Variants in HTR2C observed in about 807,000 individuals in gnomAD.
HTR2C encodes 5-hydroxytryptamine (serotonin) receptor 2C, G protein-coupled.
In HTR2C, 5 loss-of-function variants were observed where a neutral mutation model predicts 21.0. The ratio of observed to expected loss-of-function variants is 0.24; its 90% CI spans 0.12 to 0.50. The LOEUF is 0.50. HTR2C is among the 20% of genes least tolerant of loss of function. The pLI, the probability that HTR2C is intolerant of heterozygous loss-of-function variation, is 0.98. For synonymous variants in HTR2C, 150 were observed against 145.3 expected (o/e 1.03, Z -0.23); for missense variants, 271 against 371.2 (o/e 0.73, Z 2.22).
chrX:114,771,123 GT>G lies in HTR2C; in HGVS notation c.349+39517del, dbSNP rs201160031. ...GGCATACTTCCCTGTTTATTTGTATGTCTTACAATTTCTTGTTGAAACTCGG... is the reference window on the plus strand; with the variant it reads ...GGCATACTTCCCTGTTTATTTGTATGCTTACAATTTCTTGTTGAAACTCGG... On this transcript the variant is annotated intron_variant, in intron 4 of 5. Transcript: ENST00000276198. Among the ~76,000 whole-genome samples the G allele has an allele frequency of 3.7e-3, 410 of 111,088 alleles. 5 individuals carry two copies. Among genetic ancestry groups the G allele is most frequent in the African/African-American group, 0.013 (395 of 30,553 alleles).
chrX:114,835,983 C>T (rs782145679), intron 4 of HTR2C, among the ~76,000 whole-genome samples: 2,133 of 108,046 alleles, frequency 0.02, 53 homozygotes, highest in African/African-American at 0.068. Flanking sequence ...TGTCAGTGTG[C>T]CCCTGCTGGG....
At chrX:114,680,304 C>T (rs1296931922) in intron 2 of HTR2C, among the ~76,000 whole-genome samples, 2 of 112,096 alleles carry the variant, frequency 1.8e-5, no homozygotes, top group Non-Finnish European at 3.8e-5. Flanking sequence ...AAAAACTTAG[C>T]CTCTACACTT....
At chrX:114,709,609 C>G (rs1196627523) in intron 2 of HTR2C, among the ~76,000 whole-genome samples, 1 of 111,884 alleles carries the variant, frequency 8.9e-6, no homozygotes, top group Non-Finnish European at 1.9e-5. Context: ...CATATTCCTG[C>G]CAGAATTTGT....
intron 2 of HTR2C, among the ~76,000 whole-genome samples, chrX:114,693,210 T>C (rs1051693143): frequency 1.6e-4 from 18 of 110,759 alleles, no homozygotes; most frequent in African/African-American, 5.9e-4. Flanking sequence ...AAGGAAGGGA[T>C]AGAGAAAGGA....
chrX:114,758,524 G>C (rs1316929352), intron 4 of HTR2C, among the ~76,000 whole-genome samples: 1 of 111,206 alleles, frequency 9.0e-6, no homozygotes, highest in Non-Finnish European at 1.9e-5. Flanking sequence ...TCATGCCACT[G>C]CACTCCAGCC....
intron 2 of HTR2C, among the ~76,000 whole-genome samples, chrX:114,676,486 A>G (rs1931567313): frequency 8.9e-6 from 1 of 112,402 alleles, no homozygotes; most frequent in Non-Finnish European, 1.9e-5. Context: ...GGAAAACAAA[A>G]CAATCATTTG....
intron 2 of HTR2C, among the ~76,000 whole-genome samples, chrX:114,616,440 C>T (rs1247075705): frequency 9.1e-6 from 1 of 109,942 alleles, no homozygotes; most frequent in Admixed American, 9.9e-5. Flanking sequence ...GTGCCCACCA[C>T]CACACCCACC....
intron 5 of HTR2C, among the ~76,000 whole-genome samples, chrX:114,897,395 CT>C (rs199907693): frequency 2.1e-4 from 22 of 106,626 alleles, no homozygotes; most frequent in South Asian, 4.0e-4. Flanking sequence ...CTTTAGCAAT[CT>C]TTTTTTTTTT....
chrX:114,630,714 G>A (rs1296454204), intron 2 of HTR2C: 2 of 200,015 alleles, frequency 1.0e-5, no homozygotes, highest in Non-Finnish European at 2.0e-5. Context: ...GTTCTGAGAT[G>A]TTTCTGGTCA....
intron 1 of HTR2C, among the ~76,000 whole-genome samples, chrX:114,609,757 G>T (rs1161389389): frequency 1.8e-5 from 2 of 112,044 alleles, no homozygotes; most frequent in Non-Finnish European, 3.8e-5. Context: ...TGAAAATATC[G>T]TTTTGAACAA....
At chrX:114,806,948 A>ATG (rs1478190579) in intron 4 of HTR2C, among the ~76,000 whole-genome samples, 5 of 102,190 alleles carry the variant, frequency 4.9e-5, no homozygotes, top group South Asian at 4.3e-4. Flanking sequence ...TATATACCAT[A>ATG]TATACCATAT....
intron 4 of HTR2C, among the ~76,000 whole-genome samples, chrX:114,842,312 C>G (rs1556465858): frequency 8.9e-6 from 1 of 112,447 alleles, no homozygotes; most frequent in East Asian, 2.8e-4. Flanking sequence ...TCTTTTTAGA[C>G]TTCTCTGATG....
chrX:114,731,270 G>GTT lies in HTR2C; in HGVS notation c.36-14_36-13dup, dbSNP rs371148134. 1.3e-3 allele frequency: 1,125 copies of GTT among 891,731 alleles called. 6 individuals are homozygous for GTT. In the African/African-American group the frequency reaches 0.018, roughly 14 times the overall value. 73.5% of individuals were successfully genotyped at this position (891,731 alleles called of 1,213,427 possible). On this transcript the variant is annotated intron_variant, in intron 3 of 5. Transcript: ENST00000276198. Reference sequence around the variant, plus strand: ...TAAGTAATATAATATGTACCTGATTGTTTTTTTTTTTCTTAATTTTCAGTG... The same window carrying GTT: ...TAAGTAATATAATATGTACCTGATTGTTTTTTTTTTTTTCTTAATTTTCAGTG...
At chrX:114,628,982 T>C (rs993925788) in intron 2 of HTR2C, among the ~76,000 whole-genome samples, 1 of 112,281 alleles carries the variant, frequency 8.9e-6, no homozygotes, top group Admixed American at 9.5e-5. Context: ...CACACCTTCA[T>C]AAGTGAATGG....
chrX:114,805,545 G>GTA (rs112063548), intron 4 of HTR2C, among the ~76,000 whole-genome samples: 8,809 of 19,748 alleles, frequency 0.45, 2,874 homozygotes, highest in East Asian at 0.99. Context: ...GGTATATGGT[G>GTA]TATATATATA....
At chrX:114,641,261 T>C (rs1400924802) in intron 2 of HTR2C, among the ~76,000 whole-genome samples, 2 of 110,748 alleles carry the variant, frequency 1.8e-5, no homozygotes, top group Non-Finnish European at 3.8e-5. Flanking sequence ...TGCCACTGGA[T>C]TCTGTTGACA....
rs2071385064 is a variant in HTR2C, at chrX:114,907,474, CTTTAA to C, written c.*63_*67del. 4.4e-6 allele frequency: 4 copies of C among 910,144 alleles called. No individual in the cohort carries two copies. Among genetic ancestry groups the C allele is most frequent in the South Asian group, 4.6e-5 (2 of 43,083 alleles). The allele number at this position is 910,144 out of a possible 1,213,427, so 75.0% of individuals were successfully genotyped here. On this transcript the variant is annotated 3_prime_UTR_variant, in exon 6 of 6. Transcript: ENST00000276198. ...GCTACATATGTAGGAAAATTTTCTT[CTTTAA>C]TTTTTCTGTTGGTCTTAACTAATGT...
intron 2 of HTR2C, among the ~76,000 whole-genome samples, chrX:114,636,379 TAC>T (rs782183117): frequency 1.1e-4 from 12 of 111,706 alleles, no homozygotes; most frequent in Admixed American, 1.9e-4. Context: ...CTTTTGATAA[TAC>T]ACACTGATGC....
chrX:114,898,350 G>A (rs2071312209), intron 5 of HTR2C, among the ~76,000 whole-genome samples: 1 of 111,813 alleles, frequency 8.9e-6, no homozygotes, highest in Non-Finnish European at 1.9e-5. Context: ...TAGGTTGTCT[G>A]CTCATTCTTA....
Sources: gnomAD v4.1 joint callset for allele counts (sites outside exome capture counted in the v4.1 genomes callset) on GRCh38, gnomAD v4.1.1 for gene constraint, MANE v1.5 for transcripts, NCBI Gene and HGNC (gene_info 2026-07-23, HGNC 2026-07-21) for gene names.